The following BLVRB variants were observed in gnomAD, a reference collection of about 807,000 sequenced individuals.
The protein encoded by BLVRB is flavin reductase (NADPH).
A neutral mutation model predicts 21.1 loss-of-function variants in BLVRB; 25 were observed. The ratio of observed to expected loss-of-function variants is 1.19; its 90% CI spans 0.86 to 1.66. The LOEUF is 1.66. BLVRB is among the 40% of genes most tolerant of loss of function. BLVRB has a pLI of 0.00. For synonymous variants in BLVRB, 128 were observed against 122.2 expected (o/e 1.05, Z -0.31); for missense variants, 274 against 282.7 (o/e 0.97, Z 0.22).
At position 40,458,646 on chromosome 19, in the gene BLVRB, C is replaced by T. The variant is rs1001057494; in HGVS notation, c.80-101G>A. ...CACCATGAACTCTCAAATCCATCCC[C>T]TCCTCTGTTCTGGGGAAGTGGTCTT... On this transcript the variant is annotated intron_variant, in intron 1 of 4. Coordinates refer to ENST00000263368, the MANE Select transcript of BLVRB (RefSeq NM_000713.3). 5 of 1,373,428 alleles carry T rather than the reference C, an allele frequency of 3.6e-6. No homozygotes were observed. In the African/African-American group the frequency reaches 5.8e-5, roughly 16 times the overall value. The allele number at this position is 1,373,428 out of a possible 1,614,324, so 85.1% of individuals were successfully genotyped here.
At chr19:40,464,636 C>T (rs992368927) in intron 1 of BLVRB, among the ~76,000 whole-genome samples, 20 of 152,196 alleles carry the variant, frequency 1.3e-4, no homozygotes, top group Admixed American at 1.2e-3. Context: ...TATCAGCAAA[C>T]TGGTTTTTAC....
intron 3 of BLVRB, chr19:40,457,656 CTATAAATA>C (rs143809897): frequency 0.15 from 19,514 of 129,464 alleles, 1,311 homozygotes; most frequent in African/African-American, 0.17. Context: ...CTCAAAATAA[CTATAAATA>C]AATAAATAAA....
At chr19:40,464,190 A>G (rs143944623) in intron 1 of BLVRB, among the ~76,000 whole-genome samples, 4 of 152,192 alleles carry the variant, frequency 2.6e-5, no homozygotes, top group African/African-American at 7.2e-5. Flanking sequence ...AGCTCAAGCA[A>G]TCCTCCCACC....
chr19:40,455,399 G>A (rs1309098685), intron 3 of BLVRB, among the ~76,000 whole-genome samples: 1 of 152,192 alleles, frequency 6.6e-6, no homozygotes, highest in African/African-American at 2.4e-5. Flanking sequence ...GTCTGTGGGT[G>A]TGCAACTCCA....
chr19:40,462,663 G>T (rs539184856), intron 1 of BLVRB, among the ~76,000 whole-genome samples: 1 of 148,456 alleles, frequency 6.7e-6, no homozygotes, highest in South Asian at 2.1e-4. Flanking sequence ...AGGCTGAGGC[G>T]GGCGGATCAT....
chr19:40,460,943 G>A (rs999397023), intron 1 of BLVRB, among the ~76,000 whole-genome samples: 1 of 152,190 alleles, frequency 6.6e-6, no homozygotes, highest in East Asian at 1.9e-4. Context: ...TTGCACGCCA[G>A]CCTGGGCAAC....
intron 1 of BLVRB, among the ~76,000 whole-genome samples, chr19:40,462,051 C>T (rs1484846172): frequency 6.6e-6 from 1 of 152,234 alleles, no homozygotes; most frequent in African/African-American, 2.4e-5. Context: ...ACAGGCATTA[C>T]TGCCCCAGGG....
At chr19:40,454,577 G>A (rs540155557) in intron 3 of BLVRB, among the ~76,000 whole-genome samples, 2 of 148,852 alleles carry the variant, frequency 1.3e-5, no homozygotes, top group Middle Eastern at 6.9e-3. Context: ...AGGCAGTCTC[G>A]CTCTGTCACC....
chr19:40,464,369 T>C (rs927027235), intron 1 of BLVRB, among the ~76,000 whole-genome samples: 4 of 152,024 alleles, frequency 2.6e-5, no homozygotes, highest in Non-Finnish European at 5.9e-5. Context: ...GCTGGGATTA[T>C]AGGCATGATC....
At chr19:40,453,711 G>C (rs906181607) in intron 3 of BLVRB, among the ~76,000 whole-genome samples, 1 of 152,168 alleles carries the variant, frequency 6.6e-6, no homozygotes, top group Admixed American at 6.6e-5. Context: ...TTGTTCAAAG[G>C]CTGGGCAGAG....
chr19:40,465,469 C>T, intron 1 of BLVRB, 141 bp downstream of exon 1: 1 of 1,000,472 alleles, frequency 1.0e-6, no homozygotes, highest in Non-Finnish European at 1.5e-6. Flanking sequence ...CCCCCGTGGC[C>T]ACTTGCTTTG....
intron 1 of BLVRB, among the ~76,000 whole-genome samples, chr19:40,462,439 C>T (rs1044963315): frequency 2.0e-5 from 3 of 151,458 alleles, no homozygotes; most frequent in African/African-American, 4.8e-5. Context: ...CCACAACACC[C>T]GGCGAATTTT....
intron 4 of BLVRB, among the ~76,000 whole-genome samples, chr19:40,448,608 A>AATATATATATATATATATATAT (rs55783717): frequency 5.5e-5 from 7 of 126,362 alleles, no homozygotes; most frequent in Admixed American, 1.6e-4. Flanking sequence ...AACAACAACA[A>AATATATATATATATATATATAT]ATATATATAT....
chr19:40,460,243 G>A (rs2079780562), intron 1 of BLVRB, among the ~76,000 whole-genome samples: 1 of 65,458 alleles, frequency 1.5e-5, no homozygotes, highest in African/African-American at 8.3e-5. Context: ...TACTGTAATA[G>A]CAACATATAT....
At chr19:40,450,709 A>ATTT (rs201806085) in intron 4 of BLVRB, among the ~76,000 whole-genome samples, 3 of 139,216 alleles carry the variant, frequency 2.2e-5, no homozygotes, top group Admixed American at 7.2e-5. Flanking sequence ...CGCCCAGCTA[A>ATTT]TTTTTTTTTT....
At chr19:40,463,575 C>T (rs371397178) in intron 1 of BLVRB, among the ~76,000 whole-genome samples, 1,642 of 128,002 alleles carry the variant, frequency 0.013, 35 homozygotes, top group African/African-American at 0.044. Context: ...TCTTTCCTTC[C>T]CTCCCTCCCT....
chr19:40,465,630 A>G lies in BLVRB; in HGVS notation c.59T>C (p.Leu20Pro), dbSNP rs775131877. 3.3e-5 allele frequency: 53 copies of G among 1,612,316 alleles called. No individual in the cohort carries two copies. Among genetic ancestry groups the G allele is most frequent in the Non-Finnish European group, 4.3e-5 (51 of 1,179,778 alleles). ...GATGQTGLTT[L>P]AQAVQAGYEV... Reference sequence around the variant, plus strand: ...CATGCCTGCTTGCACCGCCTGCGCCAGGGTGGTGAGCCCGGTCTGGCCAGT... The same window carrying G: ...CATGCCTGCTTGCACCGCCTGCGCCGGGGTGGTGAGCCCGGTCTGGCCAGT... The change falls in exon 1 of 5, where the codon CTG becomes CCG. Residue 20 changes from leucine (L) to proline (P), a missense_variant. By Grantham distance (98) the Leu-to-Pro change is moderately conservative. Transcript: ENST00000263368.
At chr19:40,461,004 A>C (rs1371602190) in intron 1 of BLVRB, among the ~76,000 whole-genome samples, 2 of 152,078 alleles carry the variant, frequency 1.3e-5, no homozygotes, top group African/African-American at 4.8e-5. Context: ...AACAAACAAC[A>C]ACAACAACAA....
chr19:40,447,898 C>A lies in BLVRB; in HGVS notation c.612G>T (p.Gln204His). 1.9e-6 allele frequency: 3 copies of A among 1,613,780 alleles called. No individual in the cohort carries two copies. The highest frequency in any genetic ancestry group is 2.5e-6 in the Non-Finnish European group (3 of 1,179,818). ...YDGHSTYPSHQYQ is the reference protein window; with the variant it reads ...YDGHSTYPSHHYQ ...AGATGGGGACAGAGTGCTACTGGTA[C>A]TGGTGGGAGGGGTAGGTGCTGTGTC... The change falls in exon 5 of 5, where the codon CAG (glutamine) becomes CAT (histidine). Residue 204 changes from glutamine (Q) to histidine (H), a missense_variant. By Grantham distance (24) the Gln-to-His change is conservative. Coordinates refer to ENST00000263368, the MANE Select transcript of BLVRB (RefSeq NM_000713.3).
Sources: allele counts gnomAD v4.1 joint callset (sites outside exome capture counted in the v4.1 genomes callset), GRCh38; gene constraint gnomAD v4.1.1; transcripts MANE v1.5; gene names NCBI Gene and HGNC (gene_info 2026-07-23, HGNC 2026-07-21).